The following CTNNA2 variants were observed in gnomAD, a reference collection of about 807,000 sequenced individuals.
The protein encoded by CTNNA2 is catenin alpha-2.
CTNNA2 carries 42 observed loss-of-function variants against 101.0 expected under a neutral mutation model. That is an observed-to-expected ratio of 0.42 (90% CI 0.32 to 0.54). The LOEUF is 0.54. Ranked by LOEUF, CTNNA2 falls within the 20% of genes least tolerant of loss-of-function variation. The pLI, the probability that CTNNA2 is intolerant of heterozygous loss-of-function variation, is 0.14. For missense variants in CTNNA2, 871 were observed against 1,223.1 expected, an observed-to-expected ratio of 0.71 and a Z score of 4.29; for synonymous variants, 450 against 456.4, an observed-to-expected ratio of 0.99 and a Z score of 0.18.
chr2:79,925,282 G>C (rs755958683), intron 7 of CTNNA2, among the ~76,000 whole-genome samples: 1 of 151,804 alleles, frequency 6.6e-6, no homozygotes, highest in Admixed American at 6.6e-5. Flanking sequence ...CTTTTATTAG[G>C]TATGTGACCC....
At chr2:80,166,281 G>T (rs549003706) in intron 7 of CTNNA2, among the ~76,000 whole-genome samples, 11 of 152,178 alleles carry the variant, frequency 7.2e-5, no homozygotes, top group Non-Finnish European at 1.0e-4. Context: ...TATGATTAAA[G>T]GGTTGGAACT....
At chr2:80,507,241 C>A (rs928518683) in intron 9 of CTNNA2, among the ~76,000 whole-genome samples, 1 of 152,100 alleles carries the variant, frequency 6.6e-6, no homozygotes, top group African/African-American at 2.4e-5. Flanking sequence ...ACTTAGCAAG[C>A]GACGGATGTA....
intron 3 of CTNNA2, among the ~76,000 whole-genome samples, chr2:79,776,691 G>A (rs1444675342): frequency 2.0e-5 from 3 of 152,162 alleles, no homozygotes; most frequent in Non-Finnish European, 4.4e-5. Flanking sequence ...TCATATTTTT[G>A]TAATGATATT....
intron 3 of CTNNA2, among the ~76,000 whole-genome samples, chr2:79,364,660 A>G (rs1055193392): frequency 3.3e-5 from 5 of 152,176 alleles, no homozygotes; most frequent in African/African-American, 9.7e-5. Flanking sequence ...AATTTCAAAA[A>G]TTTCAAAGAC....
At chr2:79,837,749 T>TG (rs908780151) in intron 3 of CTNNA2, among the ~76,000 whole-genome samples, 3 of 149,054 alleles carry the variant, frequency 2.0e-5, no homozygotes, top group Non-Finnish European at 4.4e-5. Context: ...AGAAAGTGTG[T>TG]TTTTTTTTAA....
At chr2:80,621,503 T>G (rs1671115005) in intron 18 of CTNNA2, among the ~76,000 whole-genome samples, 1 of 151,952 alleles carries the variant, frequency 6.6e-6, no homozygotes, top group Non-Finnish European at 1.5e-5. Context: ...TATAAATTGA[T>G]ACCTGAAGAG....
chr2:80,102,782 G>A (rs1310755306), intron 7 of CTNNA2, among the ~76,000 whole-genome samples: 7 of 152,244 alleles, frequency 4.6e-5, no homozygotes, highest in Admixed American at 6.5e-5. Context: ...AATGTGCTGG[G>A]ATTTCAGATG....
At chr2:79,499,471 T>C (rs1470102290) in intron 4 of CTNNA2, among the ~76,000 whole-genome samples, 2 of 152,180 alleles carry the variant, frequency 1.3e-5, no homozygotes, top group Non-Finnish European at 2.9e-5. Flanking sequence ...TTAGATTATG[T>C]TCTTCCCTGA....
chr2:80,626,118 AT>A lies in CTNNA2; in HGVS notation c.2574+6894del, dbSNP rs1214479256. ...ATATAATTATATATAAATATGAAAT[AT>A]TTTAACTTAAGTCTACTAAATATTT... On this transcript the variant is annotated intron_variant, in intron 18 of 18. Coordinates refer to ENST00000402739, the MANE Select transcript of CTNNA2 (RefSeq NM_001282597.3). Among the ~76,000 whole-genome samples the A allele has an allele frequency of 2.0e-5, 3 of 152,130 alleles. No individual in the cohort carries two copies. In the East Asian group the frequency reaches 5.8e-4, roughly 29 times the overall value.
intron 1 of CTNNA2, among the ~76,000 whole-genome samples, chr2:79,604,689 T>C (rs1286314434): frequency 6.6e-6 from 1 of 152,158 alleles, no homozygotes; most frequent in African/African-American, 2.4e-5. Context: ...ATGTGCTGAG[T>C]ATTCACATAC....
intron 7 of CTNNA2, among the ~76,000 whole-genome samples, chr2:80,267,560 A>G (rs1202363256): frequency 6.6e-6 from 1 of 152,156 alleles, no homozygotes. Context: ...AGGGAAACAG[A>G]TGGAATGAAA....
At chr2:80,139,570 C>T (rs906319195) in intron 7 of CTNNA2, among the ~76,000 whole-genome samples, 10 of 152,112 alleles carry the variant, frequency 6.6e-5, no homozygotes, top group South Asian at 4.2e-4. Flanking sequence ...AAGTGTAATA[C>T]GTATCAGTAT....
At chr2:80,529,835 G>T (rs776715556) in intron 9 of CTNNA2, among the ~76,000 whole-genome samples, 1 of 152,146 alleles carries the variant, frequency 6.6e-6, no homozygotes, top group African/African-American at 2.4e-5. Context: ...GATTCAGCGA[G>T]GGGGGTAAAA....
chr2:80,093,127 G>C (rs1450444691), intron 7 of CTNNA2, among the ~76,000 whole-genome samples: 1 of 151,838 alleles, frequency 6.6e-6, no homozygotes, highest in Non-Finnish European at 1.5e-5. Flanking sequence ...TTAGCATTAG[G>C]TATATCTCCT....
chr2:79,507,208 A>C (rs34077378), intron 5 of CTNNA2, among the ~76,000 whole-genome samples: 52,534 of 152,118 alleles, frequency 0.35, 9,457 homozygotes, highest in East Asian at 0.4. Context: ...AGTCTCTTTG[A>C]GTTCTAAAAT....
chr2:79,525,449 T>C (rs916179608), intron 1 of CTNNA2, among the ~76,000 whole-genome samples: 2 of 151,992 alleles, frequency 1.3e-5, no homozygotes, highest in Non-Finnish European at 2.9e-5. Context: ...ATATCAGTAT[T>C]GATTTATCAT....
At chr2:79,565,145 T>G (rs1291750981) in intron 1 of CTNNA2, among the ~76,000 whole-genome samples, 1 of 152,064 alleles carries the variant, frequency 6.6e-6, no homozygotes. Flanking sequence ...GGTGGTGTTG[T>G]AGGACTTTCT....
chr2:79,696,235 A>G (rs1684646804), intron 2 of CTNNA2, among the ~76,000 whole-genome samples: 2 of 152,094 alleles, frequency 1.3e-5, no homozygotes, highest in Admixed American at 1.3e-4. Context: ...GCTTGTAGCC[A>G]TTTGCTGTAT....
chr2:80,562,431 A>G (rs1237747943), intron 12 of CTNNA2, among the ~76,000 whole-genome samples: 2 of 152,198 alleles, frequency 1.3e-5, no homozygotes, highest in African/African-American at 4.8e-5. Context: ...ACCATTACCC[A>G]TCAGAATGGC....
Sources: gnomAD v4.1 joint callset for allele counts (sites outside exome capture counted in the v4.1 genomes callset) on GRCh38, gnomAD v4.1.1 for gene constraint, MANE v1.5 for transcripts, NCBI Gene and HGNC (gene_info 2026-07-23, HGNC 2026-07-21) for gene names.